The following BMPR1A variants were observed in gnomAD, a reference collection of about 807,000 sequenced individuals.
BMPR1A encodes the protein bone morphogenetic protein receptor type-1A.
In BMPR1A, 7 loss-of-function variants were observed where a neutral mutation model predicts 66.0. The observed-to-expected ratio is 0.11, with a 90% CI of 0.06 to 0.20. The LOEUF (loss-of-function observed/expected upper bound fraction) is 0.20. BMPR1A is among the 10% of genes least tolerant of loss of function. The pLI is 1.00. For missense variants in BMPR1A, 408 were observed against 669.1 expected, an observed-to-expected ratio of 0.61 and a Z score of 4.31; for synonymous variants, 200 against 229.7, an observed-to-expected ratio of 0.87 and a Z score of 1.17.
At chr10:86,923,352 C>G (rs749655419) in intron 11 of BMPR1A, 24 bp from the exon 12 acceptor site, 5 of 1,613,686 alleles carry the variant, frequency 3.1e-6, no homozygotes, top group Non-Finnish European at 3.4e-6. Flanking sequence ...ATTTTTGTGC[C>G]CATGTTTTCT....
intron 2 of BMPR1A, among the ~76,000 whole-genome samples, chr10:86,847,815 T>G (rs774922249): frequency 1.4e-4 from 21 of 151,628 alleles, no homozygotes; most frequent in Non-Finnish European, 2.8e-4. Flanking sequence ...CTCACCACCC[T>G]CCTTGCCCTC....
chr10:86,764,925 A>G (rs1841138913), intron 1 of BMPR1A, among the ~76,000 whole-genome samples: 1 of 152,224 alleles, frequency 6.6e-6, no homozygotes, highest in Non-Finnish European at 1.5e-5. Flanking sequence ...TTAAAGAAAT[A>G]TATTAAAACT....
At chr10:86,883,515 A>G (rs1196512123) in intron 3 of BMPR1A, among the ~76,000 whole-genome samples, 1 of 140,532 alleles carries the variant, frequency 7.1e-6, no homozygotes, top group African/African-American at 2.7e-5. Context: ...ACGCCACTGC[A>G]CTCTAGCCTG....
At chr10:86,854,509 A>G (rs759265907) in intron 2 of BMPR1A, among the ~76,000 whole-genome samples, 1 of 152,218 alleles carries the variant, frequency 6.6e-6, no homozygotes, top group African/African-American at 2.4e-5. Flanking sequence ...TTACAAAAGT[A>G]TTAATTTGGG....
intron 1 of BMPR1A, among the ~76,000 whole-genome samples, chr10:86,821,797 TCTC>T: frequency 6.6e-6 from 1 of 151,672 alleles, no homozygotes; most frequent in East Asian, 1.9e-4. Flanking sequence ...CCCCCTCTCT[TCTC>T]CTTCCTCCCT....
chr10:86,925,720 T>C lies in BMPR1A; in HGVS notation c.*2001T>C, dbSNP rs181511145. On this transcript the variant is annotated 3_prime_UTR_variant, in exon 13 of 13. Transcript: ENST00000372037. ...CCATAATCTTTAAAATCATTTGTCA[T>C]CTTTTTTTTTTTTTTTTTGAGACGG... 4.0e-5 allele frequency: 5 copies of C among 124,130 alleles called. No homozygotes were observed. Among genetic ancestry groups the C allele is most frequent in the African/African-American group, 1.0e-4 (2 of 19,540 alleles). 7.7% of individuals were successfully genotyped at this position (124,130 alleles called of 1,614,324 possible).
intron 2 of BMPR1A, among the ~76,000 whole-genome samples, chr10:86,874,125 A>G (rs770157966): frequency 6.6e-6 from 1 of 152,238 alleles, no homozygotes; most frequent in African/African-American, 2.4e-5. Flanking sequence ...CTGAAAGTCA[A>G]TAAAATCAAA....
chr10:86,853,607 G>A (rs964904689), intron 2 of BMPR1A, among the ~76,000 whole-genome samples: 1 of 152,162 alleles, frequency 6.6e-6, no homozygotes, highest in East Asian at 1.9e-4. Context: ...GTAAGTGTTG[G>A]CTGGTTAGAG....
At chr10:86,763,778 A>G (rs1444984038) in intron 1 of BMPR1A, among the ~76,000 whole-genome samples, 1 of 147,388 alleles carries the variant, frequency 6.8e-6, no homozygotes, top group Admixed American at 6.8e-5. Context: ...TCTGTAGGAG[A>G]CTTGGATAGT....
At chr10:86,867,363 A>G (rs1259545100) in intron 2 of BMPR1A, among the ~76,000 whole-genome samples, 1 of 152,226 alleles carries the variant, frequency 6.6e-6, no homozygotes, top group African/African-American at 2.4e-5. Flanking sequence ...GGAGTAGTCA[A>G]CTTGTACCCA....
In BMPR1A at chr10:86,775,699, A is replaced by G. The variant is rs148394276; in HGVS notation, c.-268+18780A>G. Among the ~76,000 whole-genome samples the G allele has an allele frequency of 1.8e-3, 273 of 152,232 alleles. 1 individual carries two copies. Among genetic ancestry groups the G allele is most frequent in the African/African-American group, 6.4e-3 (265 of 41,552 alleles). ...TTAATGTAATAGCTTGCAGTAAACA[A>G]TGGCAACAATACAGAAAACTGCTTT... is the stretch of plus-strand genomic sequence containing the variant. On this transcript the variant is annotated intron_variant, in intron 1 of 12. Coordinates refer to ENST00000372037, the MANE Select transcript of BMPR1A (RefSeq NM_004329.3).
intron 1 of BMPR1A, among the ~76,000 whole-genome samples, chr10:86,775,850 C>T (rs1192480902): frequency 1.3e-5 from 2 of 151,986 alleles, no homozygotes; most frequent in Non-Finnish European, 1.5e-5. Flanking sequence ...TTTTTTGGTG[C>T]TTTGTACAGA....
At chr10:86,822,829 C>T (rs920726203) in intron 1 of BMPR1A, among the ~76,000 whole-genome samples, 2 of 151,642 alleles carry the variant, frequency 1.3e-5, no homozygotes, top group African/African-American at 4.9e-5. Context: ...GGAGTTTCAC[C>T]ATGTTGGCCA....
chr10:86,851,974 C>T (rs1042222339), intron 2 of BMPR1A, among the ~76,000 whole-genome samples: 2 of 152,134 alleles, frequency 1.3e-5, no homozygotes, highest in Admixed American at 6.5e-5. Flanking sequence ...GATGCCTGTA[C>T]TGGACAAGCT....
chr10:86,765,056 C>G (rs1003612627), intron 1 of BMPR1A, among the ~76,000 whole-genome samples: 2 of 152,040 alleles, frequency 1.3e-5, no homozygotes, highest in Non-Finnish European at 2.9e-5. Flanking sequence ...GTTAAAAAAA[C>G]AAAACTGATT....
At position 86,776,352 on chromosome 10, in the gene BMPR1A, A is replaced by G. The variant is rs568024982; in HGVS notation, c.-268+19433A>G. 6.4e-4 allele frequency among the ~76,000 whole-genome samples: 98 copies of G among 152,344 alleles called. 1 individual carries two copies. In the South Asian group the frequency reaches 0.019, roughly 30 times the overall value. On this transcript the variant is annotated intron_variant, in intron 1 of 12. Coordinates refer to ENST00000372037, the MANE Select transcript of BMPR1A (RefSeq NM_004329.3). Reference sequence around the variant, plus strand: ...TTATTACAAAGTCACAGGTGTTGCTAATACTACTGTGTATCCTGCCTACTC... The same window carrying G: ...TTATTACAAAGTCACAGGTGTTGCTGATACTACTGTGTATCCTGCCTACTC...
At chr10:86,756,160 T>A (rs1034164172), upstream of BMPR1A, 2 of 152,084 alleles carry the variant, frequency 1.3e-5, no homozygotes, top group African/African-American at 4.8e-5. Context: ...AGTGGGGATA[T>A]CCGGCCCCGA....
chr10:86,791,683 T>TCCTTCTTTCCTCCCTCCCTCCCTC, intron 1 of BMPR1A, among the ~76,000 whole-genome samples: 1 of 89,708 alleles, frequency 1.1e-5, no homozygotes, highest in African/African-American at 4.7e-5. Flanking sequence ...CTTCTTTACT[T>TCCTTCTTTCCTCCCTCCCTCCCTC]CCTTCCTCCC....
intron 5 of BMPR1A, among the ~76,000 whole-genome samples, chr10:86,893,381 T>G (rs1209666115): frequency 6.6e-6 from 1 of 152,218 alleles, no homozygotes; most frequent in Non-Finnish European, 1.5e-5. Flanking sequence ...TTCTGCATAG[T>G]GATTTTGTCC....
Sources: allele counts gnomAD v4.1 joint callset (sites outside exome capture counted in the v4.1 genomes callset), GRCh38; gene constraint gnomAD v4.1.1; transcripts MANE v1.5; gene names NCBI Gene and HGNC (gene_info 2026-07-23, HGNC 2026-07-21).